Variants in DHX37 observed in about 807,000 individuals in gnomAD.
The protein encoded by DHX37 is probable ATP-dependent RNA helicase DHX37.
In DHX37, 52 loss-of-function variants were observed where a neutral mutation model predicts 134.3. That is an observed-to-expected ratio of 0.39 (90% CI 0.31 to 0.49). The LOEUF is 0.49. DHX37 is among the 20% of genes least tolerant of loss of function. DHX37 has a pLI of 0.93. For missense variants in DHX37, 1,344 were observed against 1,580.8 expected (o/e 0.85, Z 2.54); for synonymous variants, 634 against 670.7 (o/e 0.95, Z 0.85).
intron 14 of DHX37, 47 bp downstream of exon 14, chr12:124,964,883 G>A (rs1566336321): frequency 6.4e-7 from 1 of 1,550,548 alleles, no homozygotes; most frequent in Admixed American, 2.0e-5. Flanking sequence ...CCACTGTAAT[G>A]CCCTTAAAAG....
chr12:124,954,389 T>C (rs1238785381), intron 18 of DHX37, among the ~76,000 whole-genome samples, 178 bp from the exon 19 acceptor site: 2 of 151,996 alleles, frequency 1.3e-5, no homozygotes, highest in Non-Finnish European at 2.9e-5. Flanking sequence ...CGCTGCACTG[T>C]TGTTCTTTTT....
At chr12:124,962,663 C>A (rs1298661493) in intron 15 of DHX37, among the ~76,000 whole-genome samples, 1 of 150,468 alleles carries the variant, frequency 6.6e-6, no homozygotes, top group Admixed American at 6.6e-5. Context: ...GTCTCAAAAA[C>A]AAAACAAACA....
intron 5 of DHX37, among the ~76,000 whole-genome samples, chr12:124,976,435 G>A (rs1056114848): frequency 3.3e-5 from 5 of 152,218 alleles, no homozygotes; most frequent in African/African-American, 1.2e-4. Context: ...GCGCAGGCTG[G>A]GCGGGGTGGC....
Position 124,967,110 on chromosome 12 carries a change from G to GA in DHX37, c.1504+12_1504+13insT, listed in dbSNP as rs775559895. On this transcript the variant is annotated intron_variant, in intron 11 of 26. Coordinates refer to ENST00000308736, the MANE Select transcript of DHX37 (RefSeq NM_032656.4). ...TGCTCAGGGCAGAGTGCTGGTCGGG[G>GA]CGTCCTCTTTACCTTGTGGCCGGGC... The GA allele has an allele frequency of 6.4e-5, 104 of 1,613,266 alleles. No homozygotes were observed. Among genetic ancestry groups the GA allele is most frequent in the Admixed American group, 1.8e-4 (11 of 60,002 alleles).
chr12:124,948,392 G>T, intron 25 of DHX37: 1 of 854,088 alleles, frequency 1.2e-6, no homozygotes, highest in Non-Finnish European at 1.8e-6. Flanking sequence ...GGAGGCTGCA[G>T]TGAACCATGA....
At chr12:124,988,509 G>T (rs1349516476) in intron 1 of DHX37, among the ~76,000 whole-genome samples, 1 of 152,106 alleles carries the variant, frequency 6.6e-6, no homozygotes, top group Non-Finnish European at 1.5e-5. Context: ...ATAGTGCCTG[G>T]CATGTAATAA....
In DHX37 at chr12:124,975,440, T is replaced by G. The variant is rs758251234; in HGVS notation, c.959A>C (p.Lys320Thr). Residue 320 changes from lysine to threonine, a missense_variant, in exon 6 of 27, where the codon AAG becomes ACG. By Grantham distance (78) the Lys-to-Thr change is moderately conservative (BLOSUM62 -1). This residue lies in a region of DHX37 where 32 missense variants were observed against 28.9 expected (regional missense o/e 1.11). Coordinates refer to ENST00000308736, the MANE Select transcript of DHX37 (RefSeq NM_032656.4). ...TCACCGCTGGGACAGATTCATCTCC[T>G]TGGCCACTCGCTGGGACATGGCCAC... ...AAVAMSQRVA[K>T]EMNLSQRVVS... The G allele has an allele frequency of 1.9e-6, 3 of 1,613,066 alleles. No homozygotes were observed. Among genetic ancestry groups the G allele is most frequent in the Middle Eastern group, 1.6e-4 (1 of 6,062 alleles).
At chr12:124,975,566 A>G (rs1954621945) in intron 5 of DHX37, 55 bp from the exon 6 acceptor site, 11 of 1,576,320 alleles carry the variant, frequency 7.0e-6, no homozygotes, top group Non-Finnish European at 8.7e-6. Context: ...TGTTCATGCC[A>G]AAGCCTCATG....
intron 4 of DHX37, among the ~76,000 whole-genome samples, chr12:124,978,305 T>C (rs1954685398): frequency 6.6e-6 from 1 of 151,794 alleles, no homozygotes; most frequent in Admixed American, 6.6e-5. Flanking sequence ...TATTCTATTC[T>C]ATTCCACTTG....
intron 24 of DHX37, 40 bp downstream of exon 24, chr12:124,950,109 G>A (rs751392406): frequency 4.3e-6 from 7 of 1,613,814 alleles, no homozygotes; most frequent in Middle Eastern, 1.6e-4. Context: ...TGCTGCCCAC[G>A]GTACCCGAGA....
In DHX37 at chr12:124,948,161, C is replaced by G. The variant is rs779858627; in HGVS notation, c.3311G>C (p.Ser1104Thr). The G allele has an allele frequency of 4.3e-6, 7 of 1,614,030 alleles. No individual in the cohort carries two copies. In the East Asian group the frequency reaches 1.6e-4, roughly 36 times the overall value. Residue 1104 changes from serine to threonine, a missense_variant, in exon 26 of 27, where the codon AGC (serine) becomes ACC (threonine). This residue lies in a region of DHX37 where 558 missense variants were observed against 650.0 expected (regional missense o/e 0.86). Coordinates refer to ENST00000308736, the MANE Select transcript of DHX37 (RefSeq NM_032656.4). The stretch of plus-strand genomic sequence containing the variant: ...CTCTGCAACCAGGGCTCGCAGAAGG[C>G]TCTCCGTACGGGGCTGCAGCCTGTG... ...TWARLQPRTE[S>T]LLRALVAEKA...
intron 16 of DHX37, among the ~76,000 whole-genome samples, chr12:124,959,263 C>T (rs537008476): frequency 8.5e-5 from 13 of 152,062 alleles, no homozygotes; most frequent in South Asian, 4.2e-4. Context: ...TTACTAGAGA[C>T]GGGGTTTCAC....
intron 15 of DHX37, among the ~76,000 whole-genome samples, chr12:124,963,928 A>AT (rs1954324580): frequency 4.0e-5 from 6 of 150,568 alleles, no homozygotes; most frequent in Admixed American, 3.3e-4. Flanking sequence ...TAGGCCAGGC[A>AT]TGGTGGCTCA....
intron 1 of DHX37, 66 bp downstream of exon 1, chr12:124,988,851 T>C: frequency 9.2e-7 from 1 of 1,083,682 alleles, no homozygotes; most frequent in Non-Finnish European, 1.2e-6. Context: ...CCGAGAGTCC[T>C]GAAGGCAGGG....
chr12:124,973,433 T>C (rs1318773742), intron 6 of DHX37, among the ~76,000 whole-genome samples: 1 of 149,994 alleles, frequency 6.7e-6, no homozygotes, highest in Admixed American at 6.7e-5. Flanking sequence ...TTAGTTCTTA[T>C]CTCTCAGATC....
At position 124,972,575 on chromosome 12, in the gene DHX37, A is replaced by G. The variant is rs773067479; in HGVS notation, c.1005T>C (p.Tyr335=). 4 of 1,614,192 alleles carry G rather than the reference A, an allele frequency of 2.5e-6. No individual in the cohort carries two copies. Among genetic ancestry groups the G allele is most frequent in the Non-Finnish European group, 3.4e-6 (4 of 1,180,020 alleles). ...SQRVVSYQIR[Y]EGNVTEETRI... ...TGGTCTCCTCTGTCACGTTTCCTTC[A>G]TACCGGATCTGGTAGGAGACGACCC... Residue 335 remains tyrosine (Y), a synonymous_variant, in exon 7 of 27, where the codon TAT becomes TAC. Coordinates refer to ENST00000308736, the MANE Select transcript of DHX37 (RefSeq NM_032656.4).
chr12:124,972,365 A>G (rs6488966), intron 7 of DHX37, 138 bp downstream of exon 7: 750,609 of 824,638 alleles, frequency 0.91, 342,437 homozygotes, highest in African/African-American at 0.98. Context: ...TAAGTAACTC[A>G]CCCAAAGTCA....
intron 9 of DHX37, 38 bp downstream of exon 9, chr12:124,968,829 C>A (rs777082819): frequency 6.2e-7 from 1 of 1,611,272 alleles, no homozygotes; most frequent in Non-Finnish European, 8.5e-7. Flanking sequence ...CGTCCTTGTG[C>A]CATCCAAGCT....
intron 3 of DHX37, among the ~76,000 whole-genome samples, 159 bp downstream of exon 3, chr12:124,982,352 C>T (rs936248611): frequency 6.6e-6 from 1 of 152,132 alleles, no homozygotes; most frequent in Non-Finnish European, 1.5e-5. Context: ...GGCCTTTACC[C>T]ACTAGAGGCA....
Sources: gnomAD v4.1 joint callset for allele counts (sites outside exome capture counted in the v4.1 genomes callset) on GRCh38, gnomAD v4.1.1 for gene constraint, gnomAD v4.1.1 regional missense constraint, MANE v1.5 for transcripts, NCBI Gene and HGNC (gene_info 2026-07-23, HGNC 2026-07-21) for gene names.